Variants in SGPP2 observed in about 807,000 individuals in gnomAD.
The protein encoded by SGPP2 is sphingosine-1-phosphate phosphatase 2, also known as sphingosine 1-phosphate phosphohydrolase 2.
A neutral mutation model predicts 33.9 loss-of-function variants in SGPP2; 30 were observed. That is an observed-to-expected ratio of 0.89 (90% confidence interval 0.66 to 1.20). The LOEUF (loss-of-function observed/expected upper bound fraction) is 1.20, where lower values mean the gene tolerates loss of function less well. Ranked by LOEUF, SGPP2 falls within the 50% of genes most tolerant of loss-of-function variation. The pLI, the probability that SGPP2 is intolerant of heterozygous loss-of-function variation, is 0.00. For missense variants in SGPP2, 458 were observed against 532.1 expected (o/e 0.86, Z 1.37); for synonymous variants, 233 against 225.0 (o/e 1.04, Z -0.32).
intron 4 of SGPP2, among the ~76,000 whole-genome samples, chr2:222,525,356 G>A (rs1344084980): frequency 6.6e-6 from 1 of 152,118 alleles, no homozygotes; most frequent in Admixed American, 6.5e-5. Context: ...AAGCCCCCAG[G>A]CTCATAGGCA....
chr2:222,546,408 A>C (rs2106152392), intron 4 of SGPP2, among the ~76,000 whole-genome samples: 1 of 152,324 alleles, frequency 6.6e-6, no homozygotes, highest in Non-Finnish European at 1.5e-5. Flanking sequence ...AATAACAAGG[A>C]TGTCACAATC....
rs563187133 is a variant in SGPP2 at position 222,425,026 on chromosome 2, G to C, written c.219+205G>C. ...CTCCAACGCTGCCAGGGGCAACCGGGTCTATTGAGATATCCCCAGACGCTT... is the reference window on the plus strand; with the variant it reads ...CTCCAACGCTGCCAGGGGCAACCGGCTCTATTGAGATATCCCCAGACGCTT... On this transcript the variant is annotated intron_variant, in intron 1 of 4. Transcript: ENST00000321276. Among the ~76,000 whole-genome samples, 28 of 152,330 alleles carry C rather than the reference G, an allele frequency of 1.8e-4. No individual in the cohort carries two copies. The East Asian group carries it at 3.1e-3, about 17-fold the overall frequency.
At position 222,561,495 on chromosome 2, in the gene SGPP2, G is replaced by T. The variant is rs1297660169; in HGVS notation, c.*2597G>T. 6.7e-6 allele frequency among the ~76,000 whole-genome samples: 1 copy of T among 149,084 alleles called. No individual in the cohort carries two copies. Among genetic ancestry groups the T allele is most frequent in the East Asian group, 1.9e-4 (1 of 5,134 alleles). On this transcript the variant is annotated 3_prime_UTR_variant, in exon 5 of 5. Transcript: ENST00000321276. ...GGATTGTGATCATTGTCACAGAGTG[G>T]GTGCTGGCCTCTCATATATATGATA...
intron 1 of SGPP2, among the ~76,000 whole-genome samples, chr2:222,437,331 T>G (rs1028843767): frequency 2.6e-5 from 4 of 152,236 alleles, no homozygotes; most frequent in African/African-American, 9.6e-5. Context: ...GTGCACTTCT[T>G]GAAGTTCTCC....
chr2:222,524,910 T>A lies in SGPP2; in HGVS notation c.559-34T>A. On this transcript the variant is annotated intron_variant, in intron 3 of 4. Coordinates refer to ENST00000321276, the MANE Select transcript of SGPP2 (RefSeq NM_152386.4). ...TCAAATCATGTATGTCTGAGTGTGA[T>A]CTAATTCCCTTGTTTTTTCTCCTTC... is the stretch of plus-strand genomic sequence containing the variant. The A allele has an allele frequency of 2.6e-6, 4 of 1,529,154 alleles. No individual in the cohort carries two copies. In the South Asian group the frequency reaches 4.5e-5, roughly 17 times the overall value. 94.7% of individuals were successfully genotyped at this position (1,529,154 alleles called of 1,614,324 possible).
chr2:222,486,840 C>CT (rs985967079), intron 2 of SGPP2, among the ~76,000 whole-genome samples: 24 of 151,850 alleles, frequency 1.6e-4, no homozygotes, highest in Middle Eastern at 3.4e-3. Context: ...TATATTAAGG[C>CT]TTTTTTTTGT....
intron 4 of SGPP2, among the ~76,000 whole-genome samples, chr2:222,537,147 G>A (rs1698928294): frequency 6.6e-6 from 1 of 152,154 alleles, no homozygotes; most frequent in South Asian, 2.1e-4. Flanking sequence ...TCTTCATGCT[G>A]TTTCCAAAAC....
intron 4 of SGPP2, among the ~76,000 whole-genome samples, chr2:222,554,145 C>T (rs766492013): frequency 2.6e-5 from 4 of 152,218 alleles, no homozygotes; most frequent in Non-Finnish European, 5.9e-5. Context: ...GTACACAGGG[C>T]ATCCTGTGAA....
At chr2:222,440,219 C>T (rs1234870606) in intron 1 of SGPP2, among the ~76,000 whole-genome samples, 1 of 152,224 alleles carries the variant, frequency 6.6e-6, no homozygotes, top group Non-Finnish European at 1.5e-5. Context: ...ACCTTCTGCT[C>T]ACTGACTGCT....
intron 2 of SGPP2, among the ~76,000 whole-genome samples, chr2:222,510,455 G>A (rs566774379): frequency 2.6e-5 from 4 of 152,298 alleles, no homozygotes; most frequent in South Asian, 2.1e-4. Flanking sequence ...AAACAAACCC[G>A]TAGATAGACT....
At chr2:222,459,744 TG>T (rs1697631311) in intron 1 of SGPP2, among the ~76,000 whole-genome samples, 1 of 152,120 alleles carries the variant, frequency 6.6e-6, no homozygotes. Flanking sequence ...GTGAGGACTT[TG>T]TACATTTCTT....
At chr2:222,546,487 C>T (rs1316835713) in intron 4 of SGPP2, among the ~76,000 whole-genome samples, 1 of 152,164 alleles carries the variant, frequency 6.6e-6, no homozygotes, top group Non-Finnish European at 1.5e-5. Context: ...CTGGAACAAT[C>T]TGCAAAAAAC....
rs776888242 is a variant in SGPP2 at position 222,525,006 on chromosome 2, G to C, written c.621G>C (p.Arg207Ser). The C allele has an allele frequency of 8.1e-6, 13 of 1,613,942 alleles. No individual in the cohort carries two copies. Among genetic ancestry groups the C allele is most frequent in the Admixed American group, 6.7e-5 (4 of 59,990 alleles). Residue 207 changes from arginine to serine, a missense_variant, in exon 4 of 5, where the codon AGG (arginine) becomes AGC (serine). Physicochemically the swap from Arg to Ser is moderately radical, Grantham distance 110 (BLOSUM62 -1). Coordinates refer to ENST00000321276, the MANE Select transcript of SGPP2 (RefSeq NM_152386.4). ...TTTCCACCTTGGTGTGTCTCAGCAG[G>C]CTCTACACTGGGATGCATACGGTCC... ...VVFSTLVCLS[R>S]LYTGMHTVLD...
intron 1 of SGPP2, among the ~76,000 whole-genome samples, chr2:222,440,468 G>A (rs556827819): frequency 6.6e-6 from 1 of 151,400 alleles, no homozygotes; most frequent in Non-Finnish European, 1.5e-5. Flanking sequence ...TTAGCCTCCC[G>A]AGTAGCTGGG....
At chr2:222,508,169 A>T (rs1261298999) in intron 2 of SGPP2, among the ~76,000 whole-genome samples, 1 of 152,216 alleles carries the variant, frequency 6.6e-6, no homozygotes, top group African/African-American at 2.4e-5. Context: ...AGCCCCAAGG[A>T]CACTCAGCGT....
chr2:222,461,146 A>C (rs1358436219), intron 1 of SGPP2, among the ~76,000 whole-genome samples: 4 of 152,224 alleles, frequency 2.6e-5, no homozygotes, highest in Non-Finnish European at 5.9e-5. Flanking sequence ...TACATTGTTA[A>C]TAGAAATGCA....
intron 1 of SGPP2, among the ~76,000 whole-genome samples, chr2:222,425,026 G>A (rs563187133): frequency 6.6e-6 from 1 of 152,218 alleles, no homozygotes; most frequent in Non-Finnish European, 1.5e-5. Context: ...GGGCAACCGG[G>A]TCTATTGAGA....
chr2:222,530,367 G>A (rs766225883), intron 4 of SGPP2, among the ~76,000 whole-genome samples: 40 of 152,224 alleles, frequency 2.6e-4, no homozygotes, highest in Non-Finnish European at 5.7e-4. Flanking sequence ...CCAATGTAAG[G>A]CTGTTTTATC....
chr2:222,452,374 T>C (rs1392038829), intron 1 of SGPP2: 2 of 726,400 alleles, frequency 2.8e-6, no homozygotes, highest in East Asian at 2.6e-5. Context: ...CAGAGTCAAA[T>C]TGAGTAATAT....
Sources: allele counts gnomAD v4.1 joint callset (sites outside exome capture counted in the v4.1 genomes callset), GRCh38; gene constraint gnomAD v4.1.1; transcripts MANE v1.5; gene names NCBI Gene and HGNC (gene_info 2026-07-23, HGNC 2026-07-21).